Variants in DTNB observed in about 807,000 individuals in gnomAD.
DTNB encodes DTN-B.
DTNB carries 63 observed loss-of-function variants against 90.7 expected under a neutral mutation model. That is an observed-to-expected ratio of 0.69 (90% CI 0.57 to 0.86). The LOEUF (loss-of-function observed/expected upper bound fraction) is 0.86. DTNB is among the 40% of genes least tolerant of loss of function. The pLI, the probability that DTNB is intolerant of heterozygous loss-of-function variation, is 0.00. For synonymous variants in DTNB, 277 were observed against 286.7 expected, an observed-to-expected ratio of 0.97 and a Z score of 0.34; for missense variants, 744 against 807.1, an observed-to-expected ratio of 0.92 and a Z score of 0.95.
At chr2:25,497,504 C>T (rs1028434396) in intron 9 of DTNB, 6 of 152,126 alleles carry the variant, frequency 3.9e-5, no homozygotes, top group Admixed American at 3.9e-4. Context: ...TAGGGAGAAC[C>T]AGTAAGGCTT....
intron 6 of DTNB, among the ~76,000 whole-genome samples, chr2:25,584,383 C>A (rs1005964223): frequency 1.3e-5 from 2 of 152,136 alleles, no homozygotes; most frequent in Non-Finnish European, 2.9e-5. Flanking sequence ...CATGGGAATC[C>A]ATGTGTCTTC....
At chr2:25,526,164 G>A (rs866662207) in intron 9 of DTNB, among the ~76,000 whole-genome samples, 8 of 151,560 alleles carry the variant, frequency 5.3e-5, no homozygotes, top group South Asian at 2.1e-4. Context: ...TCCTGGTCAG[G>A]ATTCACAGAA....
intron 15 of DTNB, among the ~76,000 whole-genome samples, chr2:25,420,262 CTTTTTT>C (rs56815083): frequency 1.6e-5 from 1 of 63,882 alleles, no homozygotes; most frequent in Admixed American, 1.9e-4. Flanking sequence ...CAGGCACAGT[CTTTTTT>C]TTTTTTTTTT....
chr2:25,531,804 C>T (rs2078260271), intron 8 of DTNB, among the ~76,000 whole-genome samples: 1 of 152,124 alleles, frequency 6.6e-6, no homozygotes, highest in African/African-American at 2.4e-5. Flanking sequence ...GCAGTTCCTC[C>T]CTCATGTTTA....
intron 11 of DTNB, among the ~76,000 whole-genome samples, chr2:25,452,147 C>T (rs2059379939): frequency 6.6e-6 from 1 of 152,170 alleles, no homozygotes; most frequent in African/African-American, 2.4e-5. Flanking sequence ...TTTTCATGCC[C>T]CTTTCTCTTC....
intron 16 of DTNB, among the ~76,000 whole-genome samples, chr2:25,398,345 G>A (rs1374875428): frequency 1.3e-5 from 2 of 152,222 alleles, no homozygotes; most frequent in South Asian, 4.1e-4. Context: ...CTCCTGGGCA[G>A]GTGTTATTTC....
At chr2:25,645,885 G>T (rs563971667) in intron 2 of DTNB, among the ~76,000 whole-genome samples, 1 of 152,064 alleles carries the variant, frequency 6.6e-6, no homozygotes, top group Non-Finnish European at 1.5e-5. Context: ...GTAAAGAAAA[G>T]AAAAATATAC....
At chr2:25,381,616 T>TCC (rs2037794361) in intron 19 of DTNB, among the ~76,000 whole-genome samples, 1 of 152,224 alleles carries the variant, frequency 6.6e-6, no homozygotes, top group Middle Eastern at 3.4e-3. Flanking sequence ...CATCAAGTGA[T>TCC]CCCCCTGCCT....
At chr2:25,671,616 C>A (rs1189438035) in intron 1 of DTNB, among the ~76,000 whole-genome samples, 1 of 152,212 alleles carries the variant, frequency 6.6e-6, no homozygotes, top group Non-Finnish European at 1.5e-5. Flanking sequence ...AGTTGAAATT[C>A]TCTTGGTTCT....
chr2:25,662,674 ACACACAAACAC>A, intron 1 of DTNB, among the ~76,000 whole-genome samples: 8 of 74,610 alleles, frequency 1.1e-4, no homozygotes, highest in African/African-American at 2.5e-4. Context: ...ACACACACAC[ACACACAAACAC>A]ACACACACAC....
rs2084809210 is a variant in DTNB, at chr2:25,667,682, TAC to T, written c.-2+5702_-2+5703del. 2.6e-5 allele frequency among the ~76,000 whole-genome samples: 4 copies of T among 152,356 alleles called. No individual in the cohort carries two copies. In the South Asian group the frequency reaches 8.3e-4, roughly 32 times the overall value. On this transcript the variant is annotated intron_variant, in intron 1 of 20. Coordinates refer to ENST00000406818, the MANE Select transcript of DTNB (RefSeq NM_021907.5). ...TAAAAATTATTGGGAATGCAAATGA[TAC>T]AGTCACTTTGAAAGATAGTTTAATA... is the stretch of plus-strand genomic sequence containing the variant.
intron 10 of DTNB, among the ~76,000 whole-genome samples, chr2:25,462,271 T>C (rs2061075189): frequency 6.6e-6 from 1 of 151,982 alleles, no homozygotes; most frequent in Admixed American, 6.5e-5. Flanking sequence ...AGGAGGCACA[T>C]CTGTAGGGAC....
chr2:25,601,168 T>C (rs1174809915), intron 5 of DTNB, among the ~76,000 whole-genome samples: 1 of 152,110 alleles, frequency 6.6e-6, no homozygotes, highest in Admixed American at 6.5e-5. Context: ...AAGGATCTTA[T>C]CAAAGAAGTG....
intron 4 of DTNB, among the ~76,000 whole-genome samples, 184 bp downstream of exon 4, chr2:25,627,987 T>C (rs751540827): frequency 6.6e-5 from 10 of 152,164 alleles, no homozygotes; most frequent in African/African-American, 1.2e-4. Context: ...TTGCCCTCCT[T>C]GGCCTCCCAA....
intron 3 of DTNB, among the ~76,000 whole-genome samples, chr2:25,634,050 G>C (rs559399936): frequency 4.0e-5 from 6 of 151,894 alleles, no homozygotes; most frequent in Non-Finnish European, 5.9e-5. Flanking sequence ...GAGCGTCTAC[G>C]CCCGGCAGCC....
In DTNB at chr2:25,526,393, A is replaced by AT. The variant is rs1417545308; in HGVS notation, c.1001+5079dup. Among the ~76,000 whole-genome samples, 264 of 59,400 alleles carry AT rather than the reference A, an allele frequency of 4.4e-3. 2 individuals are homozygous for AT. The highest frequency in any genetic ancestry group is 7.8e-3 in the South Asian group (14 of 1,788). 39.0% of individuals were successfully genotyped at this position (59,400 alleles called of 152,430 possible). A position where few individuals can be genotyped will look rare whatever the true frequency, so the allele number is the denominator to read the frequency against. On this transcript the variant is annotated intron_variant, in intron 9 of 20. Coordinates refer to ENST00000406818, the MANE Select transcript of DTNB (RefSeq NM_021907.5). ...TATATATATATATATATATATATAT[A>AT]TATTTTTTTTTTTTTAATTGAGACA...
intron 19 of DTNB, among the ~76,000 whole-genome samples, chr2:25,380,781 A>C (rs903676832): frequency 6.9e-6 from 1 of 144,264 alleles, no homozygotes; most frequent in Non-Finnish European, 1.6e-5. Flanking sequence ...CGGGCGAGGG[A>C]AACCCAGTCT....
At chr2:25,396,757 C>T (rs1336770505) in intron 16 of DTNB, among the ~76,000 whole-genome samples, 3 of 130,256 alleles carry the variant, frequency 2.3e-5, no homozygotes, top group African/African-American at 8.9e-5. Flanking sequence ...AAAAAAAAGA[C>T]TGGTGCTAGG....
At chr2:25,614,836 G>A (rs1402872837) in intron 4 of DTNB, among the ~76,000 whole-genome samples, 3 of 152,180 alleles carry the variant, frequency 2.0e-5, no homozygotes, top group African/African-American at 7.2e-5. Context: ...AGATGCCTCG[G>A]GAGTTATTTC....
Sources: gnomAD v4.1 joint callset for allele counts (sites outside exome capture counted in the v4.1 genomes callset) on GRCh38, gnomAD v4.1.1 for gene constraint, MANE v1.5 for transcripts, NCBI Gene and HGNC (gene_info 2026-07-23, HGNC 2026-07-21) for gene names.